Variants in PRRG1 observed in about 807,000 individuals in gnomAD.
PRRG1 encodes transmembrane gamma-carboxyglutamic acid protein 1.
In PRRG1, 5 loss-of-function variants were observed where a neutral mutation model predicts 11.8. The ratio of observed to expected loss-of-function variants is 0.42; its 90% CI spans 0.22 to 0.89. The LOEUF (loss-of-function observed/expected upper bound fraction) is 0.89. Among genes scored for constraint, PRRG1 ranks in the 40% least tolerant of loss-of-function variants. The pLI, the probability that PRRG1 is intolerant of heterozygous loss-of-function variation, is 0.28. For synonymous variants in PRRG1, 66 were observed against 60.4 expected (o/e 1.09, Z -0.43); for missense variants, 155 against 166.1 (o/e 0.93, Z 0.37).
rs782466528 is a variant in PRRG1, at chrX:37,415,572, A to G, written c.10+9313A>G. Among the ~76,000 whole-genome samples the G allele has an allele frequency of 2.7e-5, 3 of 111,905 alleles. No homozygotes were observed. The South Asian group carries it at 1.1e-3, about 42-fold the overall frequency. On this transcript the variant is annotated intron_variant, in intron 2 of 3. Transcript: ENST00000378628. ...AGTTTATTGAATATAATCAAAATCA[A>G]TTTGGCTTTTACAATTGCTACATTC... is the stretch of plus-strand genomic sequence containing the variant.
chrX:37,411,979 C>G (rs1932363283), intron 2 of PRRG1, among the ~76,000 whole-genome samples: 1 of 110,672 alleles, frequency 9.0e-6, no homozygotes, highest in Non-Finnish European at 1.9e-5. Flanking sequence ...AGTATTTAGT[C>G]TTTGGAAATA....
chrX:37,351,431 C>G (rs781909498), intron 1 of PRRG1, among the ~76,000 whole-genome samples: 13 of 108,027 alleles, frequency 1.2e-4, no homozygotes, highest in Non-Finnish European at 2.5e-4. Flanking sequence ...GGAGGCGGAG[C>G]TTGCCTTGAG....
intron 1 of PRRG1, among the ~76,000 whole-genome samples, chrX:37,384,982 G>A (rs935264539): frequency 1.3e-4 from 14 of 111,436 alleles, no homozygotes; most frequent in Middle Eastern, 4.2e-3. Context: ...AACAGAAATA[G>A]AAATATAGGC....
chrX:37,380,063 A>C (rs1931105961), intron 1 of PRRG1, among the ~76,000 whole-genome samples: 1 of 111,810 alleles, frequency 8.9e-6, no homozygotes, highest in Non-Finnish European at 1.9e-5. Flanking sequence ...TACTGTAATT[A>C]ACAGTGGCTT....
At chrX:37,442,481 G>C (rs1370586329) in intron 3 of PRRG1, among the ~76,000 whole-genome samples, 1 of 108,895 alleles carries the variant, frequency 9.2e-6, no homozygotes, top group African/African-American at 3.4e-5. Context: ...GGGTGAGATG[G>C]GTGGGGTGGA....
At chrX:37,423,570 T>C (rs180720745) in intron 2 of PRRG1, among the ~76,000 whole-genome samples, 87 of 110,459 alleles carry the variant, frequency 7.9e-4, no homozygotes, top group African/African-American at 2.1e-3. Flanking sequence ...GGTCTCACTG[T>C]GTTGCCCAGG....
At chrX:37,431,666 G>A (rs976686370) in intron 3 of PRRG1, among the ~76,000 whole-genome samples, 6 of 111,677 alleles carry the variant, frequency 5.4e-5, no homozygotes, top group Non-Finnish European at 1.1e-4. Context: ...CAGATATATG[G>A]TTTCTAGGCT....
At chrX:37,419,455 C>T (rs1210007197) in intron 2 of PRRG1, among the ~76,000 whole-genome samples, 1 of 111,874 alleles carries the variant, frequency 8.9e-6, no homozygotes, top group Non-Finnish European at 1.9e-5. Context: ...ATTTTAAAAT[C>T]TCATGATATC....
At chrX:37,352,009 A>G in intron 1 of PRRG1, among the ~76,000 whole-genome samples, 1 of 112,512 alleles carries the variant, frequency 8.9e-6, no homozygotes, top group Non-Finnish European at 1.9e-5. Flanking sequence ...ATTTCTGCCA[A>G]ACTGTCTTTG....
intron 3 of PRRG1, among the ~76,000 whole-genome samples, chrX:37,433,118 G>A (rs782516522): frequency 1.4e-4 from 16 of 111,327 alleles, no homozygotes; most frequent in Non-Finnish European, 2.4e-4. Flanking sequence ...TTTGGCCCCT[G>A]CCCCATAGTT....
chrX:37,400,155 T>C (rs898897781), intron 1 of PRRG1, among the ~76,000 whole-genome samples: 21 of 111,258 alleles, frequency 1.9e-4, no homozygotes, highest in African/African-American at 5.9e-4. Context: ...ACAGAACTCT[T>C]CACCCCAAAT....
intron 3 of PRRG1, among the ~76,000 whole-genome samples, chrX:37,440,475 G>A (rs1003414845): frequency 2.0e-4 from 22 of 111,628 alleles, no homozygotes; most frequent in Admixed American, 1.1e-3. Context: ...CAAGTTCAAG[G>A]CAGCTACCTT....
intron 1 of PRRG1, among the ~76,000 whole-genome samples, chrX:37,357,707 A>G (rs1228622836): frequency 1.8e-5 from 2 of 111,910 alleles, no homozygotes; most frequent in Non-Finnish European, 3.8e-5. Flanking sequence ...AGATCAAAAA[A>G]CCATAGCATG....
rs188600902 is a variant in PRRG1 at position 37,365,622 on chromosome X, A to G, written c.-42+16227A>G. Among the ~76,000 whole-genome samples the G allele has an allele frequency of 2.7e-5, 3 of 112,363 alleles. No homozygotes were observed. In the East Asian group the frequency reaches 8.4e-4, roughly 32 times the overall value. Reference sequence around the variant, plus strand: ...AAACTCATTTTGTTGGAGGTTCTCCAGCCAGCCAGGGTTAAAGCAGAGTAT... The same window carrying G: ...AAACTCATTTTGTTGGAGGTTCTCCGGCCAGCCAGGGTTAAAGCAGAGTAT... On this transcript the variant is annotated intron_variant, in intron 1 of 3. Transcript: ENST00000378628.
chrX:37,431,077 A>G (rs1392914084), intron 3 of PRRG1, among the ~76,000 whole-genome samples: 1 of 112,462 alleles, frequency 8.9e-6, no homozygotes, highest in Non-Finnish European at 1.9e-5. Context: ...ACATATATCA[A>G]TAGTTCATTC....
At chrX:37,381,087 T>G (rs1195633708) in intron 1 of PRRG1, among the ~76,000 whole-genome samples, 1 of 111,749 alleles carries the variant, frequency 8.9e-6, no homozygotes, top group Non-Finnish European at 1.9e-5. Context: ...ACTGCTGTTC[T>G]TTTTGGAGAA....
intron 1 of PRRG1, among the ~76,000 whole-genome samples, chrX:37,354,673 G>T (rs782387348): frequency 9.9e-5 from 11 of 110,992 alleles, no homozygotes; most frequent in African/African-American, 3.6e-4. Context: ...GATTACAGGC[G>T]TGAGCCACCA....
In PRRG1 at chrX:37,361,095, C is replaced by A. The variant is rs546101505; in HGVS notation, c.-42+11700C>A. Reference sequence around the variant, plus strand: ...CGGTGGCTCACGCCTGTAATCCCAGCACTTTGGGAGGCCAAGGCCGGCAGA... The same window carrying A: ...CGGTGGCTCACGCCTGTAATCCCAGAACTTTGGGAGGCCAAGGCCGGCAGA... On this transcript the variant is annotated intron_variant, in intron 1 of 3. Transcript: ENST00000378628. 8.7e-4 allele frequency among the ~76,000 whole-genome samples: 98 copies of A among 112,324 alleles called. 1 individual carries two copies. The South Asian group carries it at 0.035, about 40-fold the overall frequency.
At chrX:37,400,275 AAACT>A (rs1178765531) in intron 1 of PRRG1, among the ~76,000 whole-genome samples, 2 of 112,054 alleles carry the variant, frequency 1.8e-5, no homozygotes, top group Non-Finnish European at 3.8e-5. Flanking sequence ...AAATTATAAC[AAACT>A]GTCTCTCAGA....
Sources: gnomAD v4.1 joint callset for allele counts (sites outside exome capture counted in the v4.1 genomes callset) on GRCh38, gnomAD v4.1.1 for gene constraint, MANE v1.5 for transcripts, NCBI Gene and HGNC (gene_info 2026-07-23, HGNC 2026-07-21) for gene names.